TBC1D4: variants seen among roughly 807,000 people sequenced by gnomAD.
TBC1D4 encodes the protein TBC1 domain family member 4.
In TBC1D4, 121 loss-of-function variants were observed where a neutral mutation model predicts 142.5. That is an observed-to-expected ratio of 0.85 (90% CI 0.73 to 0.99). The LOEUF (loss-of-function observed/expected upper bound fraction) is 0.99, where lower values mean the gene tolerates loss of function less well. Ranked by LOEUF, TBC1D4 falls within the 50% of genes least tolerant of loss-of-function variation. The pLI is 0.00. For missense variants in TBC1D4, 1,475 were observed against 1,606.6 expected (o/e 0.92, Z 1.40); for synonymous variants, 630 against 628.2 (o/e 1.00, Z -0.04).
chr13:75,292,724 TA>T (rs11292930), intron 18 of TBC1D4, among the ~76,000 whole-genome samples: 42,198 of 141,096 alleles, frequency 0.3, 6,944 homozygotes, highest in African/African-American at 0.47. Flanking sequence ...ACCAGGAAAT[TA>T]AAAAAAAAAA....
intron 1 of TBC1D4, among the ~76,000 whole-genome samples, chr13:75,438,440 A>G (rs1886891993): frequency 6.6e-6 from 1 of 152,186 alleles, no homozygotes; most frequent in Non-Finnish European, 1.5e-5. Context: ...AAGGATAGAA[A>G]AAACAGAAGA....
chr13:75,307,378 G>T (rs1013831499), intron 14 of TBC1D4, among the ~76,000 whole-genome samples: 1 of 151,994 alleles, frequency 6.6e-6, no homozygotes, highest in Non-Finnish European at 1.5e-5. Flanking sequence ...TAACATATCC[G>T]CCCAGAGCTC....
chr13:75,420,366 G>T (rs1001894084), intron 1 of TBC1D4, among the ~76,000 whole-genome samples: 3 of 152,142 alleles, frequency 2.0e-5, no homozygotes, highest in African/African-American at 7.2e-5. Context: ...CAAAAAAAAA[G>T]TGAATGTATA....
At chr13:75,395,593 G>A (rs1344896636) in intron 1 of TBC1D4, among the ~76,000 whole-genome samples, 1 of 152,164 alleles carries the variant, frequency 6.6e-6, no homozygotes, top group African/African-American at 2.4e-5. Context: ...CACGTTGGAA[G>A]GACGAGGCAG....
At chr13:75,292,980 C>T (rs1875495112) in intron 18 of TBC1D4, among the ~76,000 whole-genome samples, 1 of 152,030 alleles carries the variant, frequency 6.6e-6, no homozygotes. Context: ...CATGGTGAAA[C>T]CCCGTCTCTA....
intron 1 of TBC1D4, among the ~76,000 whole-genome samples, chr13:75,398,725 C>T (rs1202239313): frequency 6.6e-6 from 1 of 152,130 alleles, no homozygotes; most frequent in Admixed American, 6.5e-5. Flanking sequence ...AAGATTTTTA[C>T]AGTATAAAGT....
At chr13:75,289,678 A>G (rs548299764) in intron 19 of TBC1D4, among the ~76,000 whole-genome samples, 105 of 152,276 alleles carry the variant, frequency 6.9e-4, no homozygotes, top group Middle Eastern at 3.4e-3. Flanking sequence ...TCATTTACAT[A>G]TTGTACCACA....
chr13:75,477,221 T>C (rs758469794), intron 1 of TBC1D4, among the ~76,000 whole-genome samples: 4 of 152,230 alleles, frequency 2.6e-5, no homozygotes, highest in Admixed American at 2.0e-4. Context: ...CTTACTAGTA[T>C]ATTCTCAAAG....
intron 1 of TBC1D4, among the ~76,000 whole-genome samples, chr13:75,411,735 A>C (rs1885677840): frequency 6.6e-6 from 1 of 150,810 alleles, no homozygotes. Context: ...ACAGGGTTTC[A>C]CCGTGTTGGC....
intron 1 of TBC1D4, among the ~76,000 whole-genome samples, chr13:75,444,049 C>A (rs1319063176): frequency 6.6e-6 from 1 of 151,746 alleles, no homozygotes; most frequent in Non-Finnish European, 1.5e-5. Flanking sequence ...TTGGATATAC[C>A]CAAAAGCTAA....
intron 12 of TBC1D4, among the ~76,000 whole-genome samples, chr13:75,318,140 T>G (rs184612324): frequency 6.6e-6 from 1 of 152,278 alleles, no homozygotes; most frequent in Non-Finnish European, 1.5e-5. Context: ...GATGCTCTAA[T>G]GACCACTCAC....
At chr13:75,430,780 C>T (rs1886565102) in intron 1 of TBC1D4, among the ~76,000 whole-genome samples, 1 of 152,098 alleles carries the variant, frequency 6.6e-6, no homozygotes, top group Admixed American at 6.5e-5. Flanking sequence ...AATTAGGGTT[C>T]CTCCGGTACA....
chr13:75,390,399 A>G (rs149442609), intron 1 of TBC1D4, among the ~76,000 whole-genome samples: 214 of 152,274 alleles, frequency 1.4e-3, no homozygotes, highest in African/African-American at 4.9e-3. Context: ...GACTACATCC[A>G]GAGTGATTAG....
chr13:75,441,496 AC>A (rs1887039264), intron 1 of TBC1D4, among the ~76,000 whole-genome samples: 1 of 152,188 alleles, frequency 6.6e-6, no homozygotes, highest in South Asian at 2.1e-4. Flanking sequence ...TTGTATTCTT[AC>A]CAAAAAAATT....
intron 17 of TBC1D4, among the ~76,000 whole-genome samples, chr13:75,295,829 A>C (rs1157425723): frequency 6.6e-6 from 1 of 152,200 alleles, no homozygotes; most frequent in Non-Finnish European, 1.5e-5. Flanking sequence ...GAGATAAGTG[A>C]TGGTTCCCTG....
At chr13:75,352,122 A>C (rs1252567842) in intron 4 of TBC1D4, among the ~76,000 whole-genome samples, 1 of 152,144 alleles carries the variant, frequency 6.6e-6, no homozygotes, top group Non-Finnish European at 1.5e-5. Context: ...AAACATCTGC[A>C]ACTTTTCCTC....
chr13:75,400,103 T>C (rs1304575030), intron 1 of TBC1D4, among the ~76,000 whole-genome samples: 7 of 152,184 alleles, frequency 4.6e-5, no homozygotes, highest in Non-Finnish European at 1.0e-4. Context: ...AATTGCAAAA[T>C]AGTGGGCAAA....
chr13:75,319,219 C>G (rs184471845), intron 12 of TBC1D4, among the ~76,000 whole-genome samples: 1 of 152,282 alleles, frequency 6.6e-6, no homozygotes, highest in Admixed American at 6.5e-5. Flanking sequence ...TCTCCTTGAA[C>G]ATCTCAGTCT....
chr13:75,417,043 GA>G (rs1885949559), intron 1 of TBC1D4, among the ~76,000 whole-genome samples: 1 of 152,130 alleles, frequency 6.6e-6, no homozygotes, highest in South Asian at 2.1e-4. Context: ...ACCTGCTCCG[GA>G]TGGTCACTCA....
Sources: gnomAD v4.1 joint callset for allele counts (sites outside exome capture counted in the v4.1 genomes callset) on GRCh38, gnomAD v4.1.1 for gene constraint, MANE v1.5 for transcripts, NCBI Gene and HGNC (gene_info 2026-07-23, HGNC 2026-07-21) for gene names.